BBS9: variants seen among roughly 807,000 people sequenced by gnomAD.
BBS9 encodes the protein Bardet-Biedl syndrome 9.
Under a neutral mutation model 117.7 loss-of-function variants are expected in BBS9, and 89 were observed. The observed-to-expected ratio is 0.76, with a 90% CI of 0.64 to 0.90. BBS9 has a LOEUF of 0.90. BBS9 is among the 40% of genes least tolerant of loss of function. BBS9 has a pLI of 0.00. For synonymous variants in BBS9, 379 were observed against 370.9 expected (o/e 1.02, Z -0.25); for missense variants, 982 against 1,042.2 (o/e 0.94, Z 0.80).
chr7:33,621,990 A>C (rs550247632), intron 21 of BBS9, among the ~76,000 whole-genome samples: 2 of 152,276 alleles, frequency 1.3e-5, no homozygotes, highest in Admixed American at 6.5e-5. Context: ...CAGAGGGATC[A>C]CATGAGGTTA....
chr7:33,462,179 T>G (rs889905756), intron 19 of BBS9, among the ~76,000 whole-genome samples: 3 of 152,062 alleles, frequency 2.0e-5, no homozygotes, highest in Admixed American at 1.3e-4. Context: ...ACTTGTTCCT[T>G]GTTAGCTTCT....
chr7:33,352,577 T>C (rs1206209701), intron 14 of BBS9, among the ~76,000 whole-genome samples: 1 of 152,220 alleles, frequency 6.6e-6, no homozygotes, highest in Non-Finnish European at 1.5e-5. Flanking sequence ...CATATATCTT[T>C]ACTTGTTTTT....
chr7:33,142,427 T>C (rs1791624426), intron 1 of BBS9, among the ~76,000 whole-genome samples: 1 of 152,218 alleles, frequency 6.6e-6, no homozygotes, highest in Non-Finnish European at 1.5e-5. Flanking sequence ...ACTAAAACTG[T>C]ATATTTTTTA....
At position 33,383,757 on chromosome 7, in the gene BBS9, G is replaced by A. The variant is rs779921215; in HGVS notation, c.1881G>A (p.Gln627=). ...GCCTTCAAGAATATTTTGAAAAACA[G>A]GGAGTCAAAGATTTTGCATGTTCTT... is the stretch of plus-strand genomic sequence containing the variant. The part of the protein sequence containing the change: ...ILRLQEYFEK[Q]GVKDFACSFS... Residue 627 remains glutamine, a synonymous_variant, in exon 18 of 23, where the codon CAG becomes CAA. Transcript: ENST00000242067. 3 of 1,612,772 alleles carry A rather than the reference G, an allele frequency of 1.9e-6. No individual in the cohort carries two copies. Among genetic ancestry groups the A allele is most frequent in the African/African-American group, 1.3e-5 (1 of 74,904 alleles).
chr7:33,414,608 G>A (rs2128832906), intron 19 of BBS9, among the ~76,000 whole-genome samples: 1 of 152,216 alleles, frequency 6.6e-6, no homozygotes, highest in East Asian at 1.9e-4. Context: ...CTCAAGATGA[G>A]TTTTCATGTC....
intron 9 of BBS9, among the ~76,000 whole-genome samples, chr7:33,296,970 A>G (rs1013477546): frequency 6.6e-6 from 1 of 152,180 alleles, no homozygotes; most frequent in Non-Finnish European, 1.5e-5. Context: ...GTGCCTGGTT[A>G]TCTTCAAAAG....
At chr7:33,586,861 A>G (rs1001780822) in intron 21 of BBS9, among the ~76,000 whole-genome samples, 1 of 152,110 alleles carries the variant, frequency 6.6e-6, no homozygotes, top group Non-Finnish European at 1.5e-5. Context: ...TACAATGGTC[A>G]TAAACATAGA....
chr7:33,186,490 G>A (rs1435373619), intron 5 of BBS9, among the ~76,000 whole-genome samples: 1 of 152,168 alleles, frequency 6.6e-6, no homozygotes, highest in African/African-American at 2.4e-5. Flanking sequence ...TTTCCTATCA[G>A]AATGGAGTGT....
chr7:33,550,612 C>G (rs1305367219), intron 21 of BBS9, among the ~76,000 whole-genome samples: 1 of 151,994 alleles, frequency 6.6e-6, no homozygotes, highest in East Asian at 1.9e-4. Context: ...CTGAATGAAG[C>G]CAGATCTATG....
At chr7:33,169,323 C>T (rs1034877647) in intron 4 of BBS9, among the ~76,000 whole-genome samples, 1 of 150,698 alleles carries the variant, frequency 6.6e-6, no homozygotes, top group Non-Finnish European at 1.5e-5. Context: ...TGGGTATATA[C>T]CCAGTAATGG....
intron 10 of BBS9, among the ~76,000 whole-genome samples, chr7:33,340,427 A>G (rs1320615229): frequency 2.0e-5 from 3 of 152,172 alleles, no homozygotes; most frequent in African/African-American, 7.2e-5. Context: ...TAGCCTATTA[A>G]TAGATATATA....
chr7:33,183,682 T>G (rs537751509), intron 5 of BBS9, among the ~76,000 whole-genome samples: 22 of 152,202 alleles, frequency 1.4e-4, no homozygotes, highest in Admixed American at 9.2e-4. Flanking sequence ...CTTGAGATAA[T>G]TTTTAGAGCT....
chr7:33,189,613 T>C (rs900017679), intron 5 of BBS9, among the ~76,000 whole-genome samples: 5 of 150,564 alleles, frequency 3.3e-5, no homozygotes, highest in Admixed American at 6.6e-5. Flanking sequence ...AGTTGCTGGG[T>C]GTGGTGGCTC....
intron 19 of BBS9, among the ~76,000 whole-genome samples, chr7:33,440,253 A>G (rs1423693069): frequency 2.0e-5 from 3 of 152,214 alleles, no homozygotes; most frequent in Non-Finnish European, 4.4e-5. Flanking sequence ...GTTATAACGT[A>G]CCATACAAAT....
chr7:33,420,945 T>C (rs1367305380), intron 19 of BBS9, among the ~76,000 whole-genome samples: 1 of 152,298 alleles, frequency 6.6e-6, no homozygotes, highest in Non-Finnish European at 1.5e-5. Flanking sequence ...TTCTTTTCCA[T>C]TGCATCCGTA....
At chr7:33,538,050 G>A (rs751646104) in intron 21 of BBS9, among the ~76,000 whole-genome samples, 2 of 152,186 alleles carry the variant, frequency 1.3e-5, no homozygotes, top group Non-Finnish European at 2.9e-5. Context: ...GGCAGGCATA[G>A]AAAGCTGGGC....
At chr7:33,612,892 G>GA (rs1343244074) in intron 21 of BBS9, among the ~76,000 whole-genome samples, 1 of 152,052 alleles carries the variant, frequency 6.6e-6, no homozygotes, top group African/African-American at 2.4e-5. Flanking sequence ...TGGTCCTCTT[G>GA]AAAAGGTGCT....
At chr7:33,427,072 C>T (rs534604934) in intron 19 of BBS9, among the ~76,000 whole-genome samples, 19 of 152,092 alleles carry the variant, frequency 1.2e-4, no homozygotes, top group South Asian at 2.1e-4. Flanking sequence ...CAGGGTTCTT[C>T]TCCTGTAACA....
intron 9 of BBS9, among the ~76,000 whole-genome samples, chr7:33,286,055 T>G (rs1357943908): frequency 6.6e-6 from 1 of 152,090 alleles, no homozygotes; most frequent in Non-Finnish European, 1.5e-5. Flanking sequence ...AAACACTGTA[T>G]AGCCAAGGAT....
Sources: allele counts gnomAD v4.1 joint callset (sites outside exome capture counted in the v4.1 genomes callset), GRCh38; gene constraint gnomAD v4.1.1; transcripts MANE v1.5; gene names NCBI Gene and HGNC (gene_info 2026-07-23, HGNC 2026-07-21).